Variants in SGCZ observed in about 807,000 individuals in gnomAD.
The protein encoded by SGCZ is zeta-sarcoglycan.
SGCZ carries 40 observed loss-of-function variants against 41.3 expected under a neutral mutation model. The observed-to-expected ratio is 0.97, with a 90% CI of 0.75 to 1.26. The LOEUF is 1.26. Ranked by LOEUF, SGCZ falls within the 50% of genes most tolerant of loss-of-function variation. The pLI, the probability that SGCZ is intolerant of heterozygous loss-of-function variation, is 0.00. For missense variants in SGCZ, 552 were observed against 369.8 expected (o/e 1.49, Z -4.04); for synonymous variants, 206 against 137.5 (o/e 1.50, Z -3.49).
intron 2 of SGCZ, among the ~76,000 whole-genome samples, chr8:14,409,680 A>G (rs75121167): frequency 0.055 from 8,427 of 152,202 alleles, 351 homozygotes; most frequent in Middle Eastern, 0.12. Flanking sequence ...GCTAACCACC[A>G]TATTTGTGAA....
intron 2 of SGCZ, among the ~76,000 whole-genome samples, chr8:14,516,981 A>G (rs1802640391): frequency 6.6e-6 from 1 of 152,092 alleles, no homozygotes; most frequent in African/African-American, 2.4e-5. Context: ...AAGAAAATAG[A>G]TACAAGGGTG....
chr8:14,620,734 A>G (rs1297890861), intron 1 of SGCZ, among the ~76,000 whole-genome samples: 1 of 152,208 alleles, frequency 6.6e-6, no homozygotes, highest in Non-Finnish European at 1.5e-5. Context: ...CAAAACCACA[A>G]TGAGATACCA....
intron 2 of SGCZ, among the ~76,000 whole-genome samples, chr8:14,548,007 T>TG (rs1803684079): frequency 6.6e-6 from 1 of 152,186 alleles, no homozygotes; most frequent in African/African-American, 2.4e-5. Flanking sequence ...TTTGTGAAGA[T>TG]GGAAGGGCAG....
chr8:15,049,087 A>G (rs1804420507), intron 1 of SGCZ, among the ~76,000 whole-genome samples: 1 of 152,166 alleles, frequency 6.6e-6, no homozygotes, highest in South Asian at 2.1e-4. Flanking sequence ...CATGTAATGC[A>G]CAGTGCTACA....
chr8:14,332,293 T>G (rs894156294), intron 2 of SGCZ, among the ~76,000 whole-genome samples: 7 of 151,670 alleles, frequency 4.6e-5, no homozygotes, highest in Non-Finnish European at 8.8e-5. Flanking sequence ...ACAAAAAAAT[T>G]AGTCGGGCGT....
At chr8:14,878,854 T>C (rs1804467404) in intron 1 of SGCZ, among the ~76,000 whole-genome samples, 1 of 152,144 alleles carries the variant, frequency 6.6e-6, no homozygotes, top group Admixed American at 6.6e-5. Flanking sequence ...AAGAAACAGA[T>C]GGACAGTGAA....
intron 1 of SGCZ, among the ~76,000 whole-genome samples, chr8:14,555,403 C>G (rs562385907): frequency 6.6e-6 from 1 of 151,956 alleles, no homozygotes; most frequent in Non-Finnish European, 1.5e-5. Flanking sequence ...ATAGAGTTCT[C>G]ATGGGACGTG....
At chr8:15,068,858 T>C (rs1166079004) in intron 1 of SGCZ, among the ~76,000 whole-genome samples, 1 of 152,224 alleles carries the variant, frequency 6.6e-6, no homozygotes, top group East Asian at 1.9e-4. Context: ...TAAATATTTG[T>C]TGATTTATTT....
chr8:14,552,995 C>A (rs1419973967), intron 2 of SGCZ, among the ~76,000 whole-genome samples: 1 of 151,898 alleles, frequency 6.6e-6, no homozygotes, highest in African/African-American at 2.4e-5. Flanking sequence ...GGAGAATATG[C>A]TTTACCTCTT....
At chr8:14,881,385 G>A (rs568369226) in intron 1 of SGCZ, among the ~76,000 whole-genome samples, 10 of 151,948 alleles carry the variant, frequency 6.6e-5, no homozygotes, top group East Asian at 5.8e-4. Context: ...ACACCATGTC[G>A]GTGGTTGAAT....
chr8:14,595,354 G>A (rs1805374305), intron 1 of SGCZ, among the ~76,000 whole-genome samples: 1 of 151,478 alleles, frequency 6.6e-6, no homozygotes, highest in African/African-American at 2.4e-5. Flanking sequence ...ATGTATCTGT[G>A]TCTTTGTGTT....
intron 2 of SGCZ, among the ~76,000 whole-genome samples, chr8:14,526,071 A>G (rs963448605): frequency 2.6e-5 from 4 of 152,120 alleles, no homozygotes; most frequent in African/African-American, 9.7e-5. Context: ...GTATTTTGAT[A>G]TCTTACAGAA....
chr8:14,717,781 G>A (rs1039083288), intron 1 of SGCZ, among the ~76,000 whole-genome samples: 2 of 152,006 alleles, frequency 1.3e-5, no homozygotes, highest in Admixed American at 6.6e-5. Context: ...ACAACTGTGT[G>A]TGAAAAAGGG....
intron 4 of SGCZ, 75 bp downstream of exon 4, chr8:14,237,517 C>T: frequency 3.0e-6 from 4 of 1,345,212 alleles, no homozygotes; most frequent in African/African-American, 1.5e-5. Context: ...ACGACAACAA[C>T]AAGAACCAAA....
intron 1 of SGCZ, among the ~76,000 whole-genome samples, chr8:15,186,660 G>T (rs1014086287): frequency 6.6e-6 from 1 of 152,134 alleles, no homozygotes; most frequent in Admixed American, 6.5e-5. Flanking sequence ...ACTTCACAAA[G>T]TTGCAGAAGG....
chr8:15,162,927 A>C (rs1434781072), intron 1 of SGCZ, among the ~76,000 whole-genome samples: 5 of 152,232 alleles, frequency 3.3e-5, no homozygotes, highest in Non-Finnish European at 7.3e-5. Context: ...ATGAAGATGA[A>C]AGAGGAGAAG....
intron 2 of SGCZ, among the ~76,000 whole-genome samples, chr8:14,417,509 A>G (rs1302647965): frequency 6.6e-6 from 1 of 151,928 alleles, no homozygotes; most frequent in Non-Finnish European, 1.5e-5. Context: ...GGAAATAAAT[A>G]CATAGTATCT....
chr8:14,886,011 ATATATATATATATATATAT>A (rs1804785078), intron 1 of SGCZ, among the ~76,000 whole-genome samples: 1 of 120,604 alleles, frequency 8.3e-6, no homozygotes, highest in African/African-American at 3.0e-5. Flanking sequence ...ATATATATAT[ATATATATATATATATATAT>A]ATATAAAATT....
chr8:14,228,329 G>A (rs1806445094), intron 4 of SGCZ, among the ~76,000 whole-genome samples: 1 of 152,052 alleles, frequency 6.6e-6, no homozygotes, highest in Non-Finnish European at 1.5e-5. Flanking sequence ...AAGGTATGTA[G>A]TCATAAGGTC....
Sources: allele counts gnomAD v4.1 joint callset (sites outside exome capture counted in the v4.1 genomes callset), GRCh38; gene constraint gnomAD v4.1.1; transcripts MANE v1.5; gene names NCBI Gene and HGNC (gene_info 2026-07-23, HGNC 2026-07-21).